The following TFB2M variants were observed in gnomAD, a reference collection of about 807,000 sequenced individuals.
The protein encoded by TFB2M is transcription factor B2, mitochondrial.
A neutral mutation model predicts 41.3 loss-of-function variants in TFB2M; 44 were observed. The observed-to-expected ratio is 1.07, with a 90% CI of 0.84 to 1.37. The LOEUF is 1.37. TFB2M is among the 40% of genes most tolerant of loss of function. TFB2M has a pLI of 0.00. For missense variants in TFB2M, 496 were observed against 490.2 expected (o/e 1.01, Z -0.11); for synonymous variants, 188 against 176.8 (o/e 1.06, Z -0.50).
rs1659576193 is a variant in TFB2M, at chr1:246,565,032, A to ACAGCAAAATAGATTGCCTCTAGCCT, written c.314-623_314-599dup. 3.3e-5 allele frequency among the ~76,000 whole-genome samples: 5 copies of ACAGCAAAATAGATTGCCTCTAGCCT among 152,344 alleles called. No homozygotes were observed. The South Asian group carries it at 1.0e-3, about 32-fold the overall frequency. ...CACTACCTCTTAGAAGAAAAAAGTC[A>ACAGCAAAATAGATTGCCTCTAGCCT]CAGCAAAATAGATTGCCTCTAGCCT... On this transcript the variant is annotated intron_variant, in intron 1 of 7. Coordinates refer to ENST00000366514, the MANE Select transcript of TFB2M (RefSeq NM_022366.3).
chr1:246,564,481 T>A, intron 1 of TFB2M, 47 bp from the exon 2 acceptor site: 4 of 1,535,616 alleles, frequency 2.6e-6, no homozygotes, highest in South Asian at 1.1e-5. Flanking sequence ...AGAAACATAA[T>A]CTCTTTCAAT....
At chr1:246,559,942 T>C (rs775186512) in intron 2 of TFB2M, among the ~76,000 whole-genome samples, 1 of 151,830 alleles carries the variant, frequency 6.6e-6, no homozygotes, top group South Asian at 2.1e-4. Context: ...AAAGAAAGAG[T>C]ACCTACCTAA....
chr1:246,557,946 G>A lies in TFB2M; in HGVS notation c.403-412C>T, dbSNP rs1019965431. On this transcript the variant is annotated intron_variant, in intron 2 of 7. Transcript: ENST00000366514. ...GGCCTCCCAAAGTGCTGGGATTACA[G>A]GCGTGAGCCACCACGCCCGGCTGAA... 4.1e-4 allele frequency among the ~76,000 whole-genome samples: 62 copies of A among 152,194 alleles called. No homozygotes were observed. In the Middle Eastern group the frequency reaches 0.014, roughly 33 times the overall value.
Position 246,549,419 on chromosome 1 carries a change from A to G in TFB2M, c.796-812T>C, listed in dbSNP as rs537589266. Among the ~76,000 whole-genome samples, 20 of 151,846 alleles carry G rather than the reference A, an allele frequency of 1.3e-4. No homozygotes were observed. In the South Asian group the frequency reaches 3.6e-3, roughly 27 times the overall value. ...CAACATGGTGAAACCCTGTCTCTTC[A>G]ACAAATACAAAAATTAGCTGGGTGT... On this transcript the variant is annotated intron_variant, in intron 5 of 7. Transcript: ENST00000366514.
chr1:246,564,758 C>T (rs575565123), intron 1 of TFB2M, among the ~76,000 whole-genome samples: 1 of 151,804 alleles, frequency 6.6e-6, no homozygotes, highest in South Asian at 2.1e-4. Flanking sequence ...CGGCTCACTG[C>T]AACCTCTGCC....
intron 2 of TFB2M, among the ~76,000 whole-genome samples, chr1:246,559,939 G>C (rs1659414545): frequency 6.6e-6 from 1 of 152,216 alleles, no homozygotes; most frequent in Admixed American, 6.5e-5. Flanking sequence ...CTAAAAGAAA[G>C]AGTACCTACC....
At chr1:246,549,454 T>C (rs527824448) in intron 5 of TFB2M, among the ~76,000 whole-genome samples, 1 of 152,098 alleles carries the variant, frequency 6.6e-6, no homozygotes, top group Non-Finnish European at 1.5e-5. Context: ...TGGTGGTGTA[T>C]GCCTGCAGTC....
Position 246,548,613 on chromosome 1 carries a change from G to A in TFB2M, c.796-6C>T. On this transcript the variant is annotated splice_polypyrimidine_tract_variant and splice_region_variant and intron_variant, in intron 5 of 7. Coordinates refer to ENST00000366514, the MANE Select transcript of TFB2M (RefSeq NM_022366.3). The stretch of plus-strand genomic sequence containing the variant: ...TCAAATGATGACCAAGGCTCCTGGG[G>A]AAGAAAAACAAAGCAAAACAACATC... 1 of 1,611,054 alleles carries A rather than the reference G, an allele frequency of 6.2e-7. No homozygotes were observed. Among genetic ancestry groups the A allele is most frequent in the Non-Finnish European group, 8.5e-7 (1 of 1,179,140 alleles).
At chr1:246,551,452 C>A (rs1204617473) in intron 4 of TFB2M, 150 bp from the exon 5 acceptor site, 3 of 612,998 alleles carry the variant, frequency 4.9e-6, no homozygotes, top group Non-Finnish European at 8.5e-6. Context: ...TGCAGCGGTG[C>A]ACGCCTGTAG....
intron 2 of TFB2M, among the ~76,000 whole-genome samples, chr1:246,563,709 A>C (rs115284088): frequency 0.023 from 3,530 of 152,352 alleles, 138 homozygotes; most frequent in African/African-American, 0.08. Context: ...TCCAATGTAC[A>C]CAAATTTTGT....
chr1:246,549,577 T>A (rs1396014370), intron 5 of TFB2M, among the ~76,000 whole-genome samples: 2 of 152,068 alleles, frequency 1.3e-5, no homozygotes, highest in Admixed American at 1.3e-4. Context: ...AGTGAGATCG[T>A]GTCTCAAAAT....
rs755344689 is a variant in TFB2M, at chr1:246,556,554, G to T, written c.705+19C>A. ...ATTACAGACTCAGAACAAAAAATAG[G>T]TATTTGTTAATAACATACCTGGAAT... On this transcript the variant is annotated intron_variant, in intron 4 of 7. Coordinates refer to ENST00000366514, the MANE Select transcript of TFB2M (RefSeq NM_022366.3). 1 of 1,444,252 alleles carries T rather than the reference G, an allele frequency of 6.9e-7. No homozygotes were observed. Among genetic ancestry groups the T allele is most frequent in the African/African-American group, 1.5e-5 (1 of 68,714 alleles). The allele number at this position is 1,444,252 out of a possible 1,614,324, so 89.5% of individuals were successfully genotyped here. A position where few individuals can be genotyped will look rare whatever the true frequency, so the allele number is the denominator to read the frequency against.
At chr1:246,547,861 C>CAAA (rs1659065433) in intron 6 of TFB2M, among the ~76,000 whole-genome samples, 1 of 151,208 alleles carries the variant, frequency 6.6e-6, no homozygotes, top group Non-Finnish European at 1.5e-5. Flanking sequence ...AAAAAATGAA[C>CAAA]AAAAATAAAG....
intron 4 of TFB2M, among the ~76,000 whole-genome samples, chr1:246,552,239 A>G (rs1054793040): frequency 6.6e-6 from 1 of 152,092 alleles, no homozygotes; most frequent in Non-Finnish European, 1.5e-5. Flanking sequence ...CGTGCCTGTG[A>G]AAAGCCATAG....
intron 4 of TFB2M, among the ~76,000 whole-genome samples, chr1:246,554,914 G>T (rs897828634): frequency 6.6e-6 from 1 of 152,034 alleles, no homozygotes; most frequent in South Asian, 2.1e-4. Context: ...GGGTTAAAAG[G>T]CAACCCATAG....
At position 246,566,238 on chromosome 1, in the gene TFB2M, C is replaced by G. The variant is rs1328223274; in HGVS notation, c.-100G>C. ...CGTGGAACATTTTCTGGCGTCCGGG[C>G]CAGGTCAAGCGGAAGTAAACACTAG... On this transcript the variant is annotated 5_prime_UTR_variant, in exon 1 of 8. Transcript: ENST00000366514. 3.2e-6 allele frequency: 4 copies of G among 1,255,950 alleles called. No homozygotes were observed. In the African/African-American group the frequency reaches 6.0e-5, roughly 19 times the overall value. The allele number at this position is 1,255,950 out of a possible 1,614,324, so 77.8% of individuals were successfully genotyped here.
intron 2 of TFB2M, among the ~76,000 whole-genome samples, chr1:246,564,087 T>C (rs1456982475): frequency 1.3e-5 from 2 of 152,214 alleles, no homozygotes; most frequent in South Asian, 4.1e-4. Context: ...ATGCCAGTTA[T>C]ACGCTTTGTT....
chr1:246,563,535 C>T (rs1248914020), intron 2 of TFB2M, among the ~76,000 whole-genome samples: 3 of 151,168 alleles, frequency 2.0e-5, no homozygotes, highest in Admixed American at 6.6e-5. Context: ...ACTTGGGAGG[C>T]AGTGGTTACA....
At chr1:246,565,320 A>G (rs1284242167) in intron 1 of TFB2M, among the ~76,000 whole-genome samples, 1 of 152,242 alleles carries the variant, frequency 6.6e-6, no homozygotes, top group African/African-American at 2.4e-5. Flanking sequence ...AATATTGTGT[A>G]AAGTGCAAGC....
Sources: allele counts gnomAD v4.1 joint callset (sites outside exome capture counted in the v4.1 genomes callset), GRCh38; gene constraint gnomAD v4.1.1; transcripts MANE v1.5; gene names NCBI Gene and HGNC (gene_info 2026-07-23, HGNC 2026-07-21).